PIGH: variants seen among roughly 807,000 people sequenced by gnomAD.
The protein encoded by PIGH is phosphatidylinositol glycan anchor biosynthesis class H, also known as phosphatidylinositol N-acetylglucosaminyltransferase subunit H.
In PIGH, 11 loss-of-function variants were observed where a neutral mutation model predicts 20.1. That is an observed-to-expected ratio of 0.55 (90% CI 0.34 to 0.91). The LOEUF (loss-of-function observed/expected upper bound fraction) is 0.91. PIGH is among the 40% of genes least tolerant of loss of function. The pLI is 0.02. For missense variants in PIGH, 189 were observed against 233.6 expected, an observed-to-expected ratio of 0.81 and a Z score of 1.24; for synonymous variants, 72 against 93.1, an observed-to-expected ratio of 0.77 and a Z score of 1.31.
intron 2 of PIGH, chr14:67,593,216 G>C (rs995887466): frequency 6.1e-6 from 1 of 164,780 alleles, no homozygotes; most frequent in Non-Finnish European, 1.3e-5. Flanking sequence ...AGGGCCAGGC[G>C]TAGTGGCTCA....
At chr14:67,595,032 GA>G (rs2036445947) in intron 1 of PIGH, among the ~76,000 whole-genome samples, 2 of 152,088 alleles carry the variant, frequency 1.3e-5, no homozygotes, top group Admixed American at 6.5e-5. Context: ...AGCTACTCGG[GA>G]GGCTGAGGCA....
chr14:67,592,582 T>A (rs943819330), intron 3 of PIGH, 53 bp downstream of exon 3: 4 of 1,060,284 alleles, frequency 3.8e-6, no homozygotes, highest in Non-Finnish European at 5.8e-6. Context: ...TTTACATTCC[T>A]AATGAAAAGG....
In PIGH at chr14:67,600,103, G is replaced by A; in HGVS notation, c.101C>T (p.Pro34Leu). ...GGTGAGCGAACGCAGCGAGAGCCGA[G>A]GGCAGCTGAGGCAGAATTCCCGGCA... is the stretch of plus-strand genomic sequence containing the variant. The part of the protein sequence containing the change: ...PSCREFCLSC[P>L]RLSLRSLTAV... The change falls in exon 1 of 4, where the codon CCT becomes CTT. Residue 34 changes from proline (P) to leucine (L), a missense_variant. Coordinates refer to ENST00000216452, the MANE Select transcript of PIGH (RefSeq NM_004569.5). The A allele has an allele frequency of 5.6e-6, 9 of 1,596,598 alleles. No homozygotes were observed. The South Asian group carries it at 6.8e-5, about 12-fold the overall frequency.
intron 3 of PIGH, among the ~76,000 whole-genome samples, chr14:67,591,168 A>C (rs2036359907): frequency 6.6e-6 from 1 of 152,188 alleles, no homozygotes; most frequent in Non-Finnish European, 1.5e-5. Context: ...AGTAAGAGGA[A>C]ATACTGATAG....
intron 2 of PIGH, 101 bp downstream of exon 2, chr14:67,593,642 A>G (rs2036417415): frequency 6.0e-6 from 4 of 671,940 alleles, no homozygotes; most frequent in South Asian, 5.4e-5. Context: ...CCTTTTAAAT[A>G]TAAGTCTCAC....
rs531217538 is a variant in PIGH at position 67,595,756 on chromosome 14, A to C, written c.181-1804T>G. ...AGAGCTAGTAGAGGACAACTAGAGG[A>C]CGCTAAGGGTGGAAGTGCAGTTTCT... On this transcript the variant is annotated intron_variant, in intron 1 of 3. Coordinates refer to ENST00000216452, the MANE Select transcript of PIGH (RefSeq NM_004569.5). Among the ~76,000 whole-genome samples the C allele has an allele frequency of 2.2e-4, 15 of 69,150 alleles. No individual in the cohort carries two copies. The East Asian group carries it at 4.6e-3, about 21-fold the overall frequency. 45.4% of individuals were successfully genotyped at this position (69,150 alleles called of 152,430 possible).
chr14:67,592,516 C>A, intron 3 of PIGH, 119 bp downstream of exon 3: 1 of 626,082 alleles, frequency 1.6e-6, no homozygotes, highest in South Asian at 2.0e-5. Context: ...TAACTGAAAT[C>A]CTAATTATCA....
At chr14:67,592,812 G>GTC in intron 2 of PIGH, 94 bp from the exon 3 acceptor site, 1 of 808,580 alleles carries the variant, frequency 1.2e-6, no homozygotes, top group Non-Finnish European at 2.0e-6. Flanking sequence ...TTGAGACAGA[G>GTC]TCTCTCTCTG....
intron 1 of PIGH, among the ~76,000 whole-genome samples, chr14:67,597,696 T>C (rs1434216390): frequency 6.6e-6 from 1 of 151,962 alleles, no homozygotes; most frequent in Non-Finnish European, 1.5e-5. Flanking sequence ...AAAGGCAAGA[T>C]TAATACATAG....
chr14:67,593,865 G>C lies in PIGH; in HGVS notation c.268C>G (p.Leu90Val). Residue 90 changes from leucine (L) to valine (V), a missense_variant, in exon 2 of 4, where the codon CTG (leucine) becomes GTG (valine). By Grantham distance (32) the Leu-to-Val change is conservative. Transcript: ENST00000216452. ...ATGCCAAGGGAATCAATGATTAACA[G>C]AGTCTCCTGATCAATCTTCACAAAA... ...LHFVKIDQETLLIIDSLGIQM... is the reference protein window; with the variant it reads ...LHFVKIDQETVLIIDSLGIQM... The C allele has an allele frequency of 1.9e-6, 3 of 1,612,616 alleles. No individual in the cohort carries two copies. Among genetic ancestry groups the C allele is most frequent in the East Asian group, 2.2e-5 (1 of 44,874 alleles).
intron 3 of PIGH, chr14:67,592,399 C>T: frequency 2.0e-6 from 1 of 492,300 alleles, no homozygotes; most frequent in South Asian, 2.3e-5. Context: ...GTGATTGTCA[C>T]TGCACTCCAG....
At chr14:67,591,156 AAAGT>A (rs1281357340) in intron 3 of PIGH, among the ~76,000 whole-genome samples, 2 of 152,188 alleles carry the variant, frequency 1.3e-5, no homozygotes, top group Admixed American at 6.5e-5. Context: ...TAGGTAGTTT[AAAGT>A]AAGAGGAAAT....
intron 1 of PIGH, among the ~76,000 whole-genome samples, chr14:67,595,144 T>A (rs903259535): frequency 2.1e-5 from 3 of 142,276 alleles, no homozygotes; most frequent in Non-Finnish European, 4.6e-5. Flanking sequence ...CTAAAAAAAA[T>A]AAAAATAAAA....
chr14:67,597,077 C>T lies in PIGH; in HGVS notation c.180+2947G>A, dbSNP rs75494624. 5.5e-3 allele frequency among the ~76,000 whole-genome samples: 831 copies of T among 152,286 alleles called. 9 individuals carry two copies. Among genetic ancestry groups the T allele is most frequent in the African/African-American group, 0.019 (769 of 41,548 alleles). On this transcript the variant is annotated intron_variant, in intron 1 of 3. Coordinates refer to ENST00000216452, the MANE Select transcript of PIGH (RefSeq NM_004569.5). ...TGGTCTGGTTTTGTCTGGCCCATCT[C>T]AAGCAAAGAATGATTTTTAAGTTTT... is the stretch of plus-strand genomic sequence containing the variant.
At chr14:67,594,561 C>T (rs564489904) in intron 1 of PIGH, among the ~76,000 whole-genome samples, 3 of 151,472 alleles carry the variant, frequency 2.0e-5, no homozygotes, top group South Asian at 2.1e-4. Flanking sequence ...GCAGGAGAAT[C>T]GCTTGAACCT....
chr14:67,593,489 T>C (rs2036413779), intron 2 of PIGH: 1 of 301,584 alleles, frequency 3.3e-6, no homozygotes, highest in African/African-American at 7.4e-5. Context: ...AGACCCTGTC[T>C]CAAAAAAAAA....
At chr14:67,599,058 C>A (rs1352030597) in intron 1 of PIGH, among the ~76,000 whole-genome samples, 1 of 152,164 alleles carries the variant, frequency 6.6e-6, no homozygotes, top group African/African-American at 2.4e-5. Context: ...GCAATTAGGG[C>A]AGTCTTAATT....
At chr14:67,590,328 C>T (rs1023311111) in intron 3 of PIGH, among the ~76,000 whole-genome samples, 156 bp from the exon 4 acceptor site, 13 of 150,362 alleles carry the variant, frequency 8.6e-5, no homozygotes, top group Admixed American at 6.7e-4. Flanking sequence ...TCTCGGCTCA[C>T]TGCAACCTCC....
chr14:67,596,295 A>ATT (rs772451900), intron 1 of PIGH, among the ~76,000 whole-genome samples: 645 of 60,208 alleles, frequency 0.011, 50 homozygotes, highest in African/African-American at 0.036. Flanking sequence ...CGCCCAGCTA[A>ATT]TTTTTTTTTT....
Sources: gnomAD v4.1 joint callset for allele counts (sites outside exome capture counted in the v4.1 genomes callset) on GRCh38, gnomAD v4.1.1 for gene constraint, MANE v1.5 for transcripts, NCBI Gene and HGNC (gene_info 2026-07-23, HGNC 2026-07-21) for gene names.